Variants in FARP2 observed in about 807,000 individuals in gnomAD.
FARP2 encodes the protein FERM, ARH/RhoGEF and pleckstrin domain protein 2.
A neutral mutation model predicts 130.5 loss-of-function variants in FARP2; 111 were observed. The ratio of observed to expected loss-of-function variants is 0.85; its 90% CI spans 0.73 to 1.00. The LOEUF is 1.00. Ranked by LOEUF, FARP2 falls within the 50% of genes least tolerant of loss-of-function variation. The probability of loss-of-function intolerance (pLI) is 0.00; values close to 1 mark genes in which losing one functional copy is unlikely to be tolerated. For missense variants in FARP2, 1,385 were observed against 1,346.3 expected (o/e 1.03, Z -0.45); for synonymous variants, 504 against 516.9 (o/e 0.98, Z 0.34).
At chr2:241,393,378 A>G (rs1260438220) in intron 2 of FARP2, among the ~76,000 whole-genome samples, 1 of 152,172 alleles carries the variant, frequency 6.6e-6, no homozygotes, top group Non-Finnish European at 1.5e-5. Flanking sequence ...TTTTAGGAAT[A>G]TGTGAGAACC....
In FARP2 at chr2:241,475,501, A is replaced by G. The variant is rs2064435438; in HGVS notation, c.2132-356A>G. ...TACCACCTGAGCTCCTCCTCCTGTC[A>G]GATCAGCAGCAACATTAGATTCTCA... On this transcript the variant is annotated intron_variant, in intron 18 of 26. Coordinates refer to ENST00000264042, the MANE Select transcript of FARP2 (RefSeq NM_014808.4). The surrounding 1 kb of genome is among the most constrained non-coding windows in gnomAD (Gnocchi z 4.4). Among the ~76,000 whole-genome samples, 1 of 152,216 alleles carries G rather than the reference A, an allele frequency of 6.6e-6. No individual in the cohort carries two copies. Among genetic ancestry groups the G allele is most frequent in the Non-Finnish European group, 1.5e-5 (1 of 68,034 alleles).
chr2:241,483,612 C>T (rs2064680260), intron 20 of FARP2, 79 bp downstream of exon 20: 15 of 1,467,226 alleles, frequency 1.0e-5, no homozygotes, highest in Middle Eastern at 3.4e-4. Context: ...TCGCCTGCAG[C>T]GGCAGCCCAT....
At chr2:241,393,023 T>TC (rs2061945682) in intron 2 of FARP2, among the ~76,000 whole-genome samples, 1 of 151,656 alleles carries the variant, frequency 6.6e-6, no homozygotes, top group African/African-American at 2.4e-5. Flanking sequence ...GTTCTTTTTT[T>TC]TCTCTCTCTT....
At chr2:241,491,027 G>T in intron 22 of FARP2, 34 bp from the exon 23 acceptor site, 3 of 1,528,932 alleles carry the variant, frequency 2.0e-6, no homozygotes, top group Non-Finnish European at 2.7e-6. Context: ...ACAAGGAAGA[G>T]CAGAGCCACT....
intron 4 of FARP2, among the ~76,000 whole-genome samples, chr2:241,406,945 C>A (rs11692907): frequency 1.3e-5 from 2 of 152,050 alleles, no homozygotes; most frequent in Admixed American, 1.3e-4. Context: ...GTAGCTGGGA[C>A]TACAGTCACC....
At chr2:241,451,066 C>G (rs796395639) in intron 13 of FARP2, among the ~76,000 whole-genome samples, 16 of 152,282 alleles carry the variant, frequency 1.1e-4, no homozygotes, top group African/African-American at 3.9e-4. Flanking sequence ...ATTTCTTCCA[C>G]CTCCACCTCC....
intron 8 of FARP2, among the ~76,000 whole-genome samples, chr2:241,427,810 G>A (rs2062983667): frequency 6.6e-6 from 1 of 151,900 alleles, no homozygotes; most frequent in Admixed American, 6.6e-5. Context: ...CTGTCGCCCA[G>A]GTGGGAGTAC....
chr2:241,401,183 T>C (rs1263619841), intron 2 of FARP2, among the ~76,000 whole-genome samples: 1 of 152,236 alleles, frequency 6.6e-6, no homozygotes, highest in East Asian at 1.9e-4. Flanking sequence ...AAGGTTTTAT[T>C]TCTTACACAG....
rs1250191580 is a variant in FARP2 at position 241,459,295 on chromosome 2, T to TGACGGTTCTGCTGGCAAGGCCTGGCA, written c.1587+2377_1587+2402dup. Reference sequence around the variant, plus strand: ...GGGGAGACCCCGGCCCCACATTCACTGACGGTTCTGCTGGCAAGGCCTGGC... The same window carrying TGACGGTTCTGCTGGCAAGGCCTGGCA: ...GGGGAGACCCCGGCCCCACATTCACTGACGGTTCTGCTGGCAAGGCCTGGCAGACGGTTCTGCTGGCAAGGCCTGGC... On this transcript the variant is annotated intron_variant, in intron 14 of 26. Coordinates refer to ENST00000264042, the MANE Select transcript of FARP2 (RefSeq NM_014808.4). The surrounding 1 kb of genome is among the most constrained non-coding windows in gnomAD (Gnocchi z 5.3). Among the ~76,000 whole-genome samples, 4 of 152,236 alleles carry TGACGGTTCTGCTGGCAAGGCCTGGCA rather than the reference T, an allele frequency of 2.6e-5. No homozygotes were observed. The highest frequency in any genetic ancestry group is 5.9e-5 in the Non-Finnish European group (4 of 68,036).
chr2:241,434,095 A>G (rs2063158250), intron 9 of FARP2, 63 bp from the exon 10 acceptor site: 1 of 1,285,958 alleles, frequency 7.8e-7, no homozygotes. Flanking sequence ...TGCTTCCTAA[A>G]TGTACTTTCT....
chr2:241,488,106 C>G (rs1021861996), intron 21 of FARP2: 1 of 152,048 alleles, frequency 6.6e-6, no homozygotes, highest in Non-Finnish European at 1.5e-5. Flanking sequence ...TAATATGAAG[C>G]CTATTTTATA....
intron 4 of FARP2, 70 bp downstream of exon 4, chr2:241,404,911 A>G: frequency 8.6e-7 from 1 of 1,167,286 alleles, no homozygotes; most frequent in Non-Finnish European, 1.3e-6. Flanking sequence ...TTTAAAAGGC[A>G]TGTTCAACTG....
intron 4 of FARP2, 126 bp downstream of exon 4, chr2:241,404,967 A>G: frequency 1.6e-6 from 1 of 644,376 alleles, no homozygotes; most frequent in Non-Finnish European, 2.7e-6. Context: ...AATCACCAAT[A>G]GCGGACAAAC....
chr2:241,385,895 T>C (rs1377196453), intron 2 of FARP2, among the ~76,000 whole-genome samples: 1 of 152,236 alleles, frequency 6.6e-6, no homozygotes, highest in Admixed American at 6.5e-5. Flanking sequence ...TTTGATTACA[T>C]AAGTACTGAG....
chr2:241,358,617 T>G (rs1239817406), intron 1 of FARP2, among the ~76,000 whole-genome samples: 1 of 152,206 alleles, frequency 6.6e-6, no homozygotes, highest in Admixed American at 6.5e-5. Context: ...CACTTTCATA[T>G]CAGCTTGCCA....
rs763087814 is a variant in FARP2, at chr2:241,436,431, G to A, written c.1101-50G>A. The A allele has an allele frequency of 1.2e-5, 18 of 1,548,742 alleles. No homozygotes were observed. In the Middle Eastern group the frequency reaches 8.4e-4, roughly 72 times the overall value. On this transcript the variant is annotated intron_variant, in intron 11 of 26. Coordinates refer to ENST00000264042, the MANE Select transcript of FARP2 (RefSeq NM_014808.4). ...CATGCTTGCTGCTTTAAAAACAGGC[G>A]CTGAGAAGGGGAGGGCTTGGTTTCT...
intron 13 of FARP2, among the ~76,000 whole-genome samples, chr2:241,452,049 C>T (rs2063673136): frequency 6.6e-6 from 1 of 152,240 alleles, no homozygotes; most frequent in Non-Finnish European, 1.5e-5. Context: ...GCCCGGCCAA[C>T]ATCTGCTTTT....
At chr2:241,366,136 T>TATATATATACGTATATATATAC (rs2061314523) in intron 1 of FARP2, among the ~76,000 whole-genome samples, 1 of 54,352 alleles carries the variant, frequency 1.8e-5, no homozygotes, top group African/African-American at 6.5e-5. Flanking sequence ...TATATATATA[T>TATATATATACGTATATATATAC]ATACACACAC....
intron 2 of FARP2, among the ~76,000 whole-genome samples, chr2:241,378,334 C>T (rs549396043): frequency 2.0e-5 from 3 of 150,390 alleles, no homozygotes; most frequent in African/African-American, 7.3e-5. Flanking sequence ...TGGTTTTGAA[C>T]TCCTGACCTT....
Sources: gnomAD v4.1 joint callset for allele counts (sites outside exome capture counted in the v4.1 genomes callset) on GRCh38, gnomAD v4.1.1 for gene constraint, Gnocchi (gnomAD v3.1) non-coding constraint, MANE v1.5 for transcripts, NCBI Gene and HGNC (gene_info 2026-07-23, HGNC 2026-07-21) for gene names.